Variants in SLC4A4 observed in about 807,000 individuals in gnomAD.
The protein encoded by SLC4A4 is electrogenic sodium bicarbonate cotransporter 1.
In SLC4A4, 27 loss-of-function variants were observed where a neutral mutation model predicts 111.5. The observed-to-expected ratio is 0.24, with a 90% CI of 0.18 to 0.33. The LOEUF is 0.33. Among genes scored for constraint, SLC4A4 ranks in the 10% least tolerant of loss-of-function variants. The pLI is 1.00. For synonymous variants in SLC4A4, 443 were observed against 463.4 expected, an observed-to-expected ratio of 0.96 and a Z score of 0.57; for missense variants, 909 against 1,315.5, an observed-to-expected ratio of 0.69 and a Z score of 4.78.
chr4:71,344,326 T>C (rs1054891485), intron 4 of SLC4A4, among the ~76,000 whole-genome samples: 2 of 152,156 alleles, frequency 1.3e-5, no homozygotes, highest in Admixed American at 1.3e-4. Context: ...ATATTCAGCT[T>C]TTCAGTAACC....
At chr4:71,077,810 C>G (rs1741883143) in intron 1 of SLC4A4, among the ~76,000 whole-genome samples, 1 of 152,194 alleles carries the variant, frequency 6.6e-6, no homozygotes, top group African/African-American at 2.4e-5. Flanking sequence ...ATTTCTATTT[C>G]TCCTCCTACT....
At position 71,456,982 on chromosome 4, in the gene SLC4A4, A is replaced by C. The variant is rs1481747507; in HGVS notation, c.1497+3313A>C. Among the ~76,000 whole-genome samples, 3 of 152,190 alleles carry C rather than the reference A, an allele frequency of 2.0e-5. No homozygotes were observed. The East Asian group carries it at 5.8e-4, about 29-fold the overall frequency. On this transcript the variant is annotated intron_variant, in intron 12 of 25. Transcript: ENST00000264485. The stretch of plus-strand genomic sequence containing the variant: ...CAGCTCAAATGAGTCAACTGAGAAC[A>C]GTGTCCTTGCTTTTAAAGGCAGACA...
intron 2 of SLC4A4, among the ~76,000 whole-genome samples, chr4:71,156,597 C>CACACAT (rs1553957363): frequency 0.15 from 21,778 of 150,150 alleles, 1,844 homozygotes; most frequent in South Asian, 0.32. Flanking sequence ...CGCACACACA[C>CACACAT]ACACACACAC....
At chr4:71,426,077 G>A (rs2149033158) in intron 7 of SLC4A4, among the ~76,000 whole-genome samples, 1 of 152,160 alleles carries the variant, frequency 6.6e-6, no homozygotes, top group African/African-American at 2.4e-5. Flanking sequence ...GGCCTTCTAT[G>A]TGCCATATGA....
intron 3 of SLC4A4, among the ~76,000 whole-genome samples, chr4:71,279,249 C>T (rs1165261597): frequency 6.6e-6 from 1 of 152,140 alleles, no homozygotes; most frequent in African/African-American, 2.4e-5. Context: ...CCCATCCCAC[C>T]AGCCCTTGGC....
intron 8 of SLC4A4, among the ~76,000 whole-genome samples, chr4:71,442,033 T>A (rs1242570995): frequency 6.6e-6 from 1 of 152,182 alleles, no homozygotes; most frequent in East Asian, 1.9e-4. Context: ...TGTGCCCCTA[T>A]GGCTTTATTT....
chr4:71,565,277 ACT>A (rs1387931475), intron 24 of SLC4A4, among the ~76,000 whole-genome samples: 9 of 151,788 alleles, frequency 5.9e-5, no homozygotes, highest in Non-Finnish European at 1.3e-4. Context: ...GCCTCCAGAC[ACT>A]GTTTTCCTGC....
At chr4:71,288,243 G>A (rs1189995943) in intron 3 of SLC4A4, among the ~76,000 whole-genome samples, 2 of 152,138 alleles carry the variant, frequency 1.3e-5, no homozygotes, top group Non-Finnish European at 2.9e-5. Context: ...CATGAGTGAC[G>A]GATCTGGGAT....
intron 2 of SLC4A4, among the ~76,000 whole-genome samples, chr4:71,160,300 A>C (rs1486760174): frequency 6.6e-6 from 1 of 151,572 alleles, no homozygotes; most frequent in African/African-American, 2.4e-5. Context: ...CTATTGTTTT[A>C]TCTTATTCAT....
intron 18 of SLC4A4, among the ~76,000 whole-genome samples, chr4:71,544,437 T>G (rs7680266): frequency 0.72 from 108,165 of 150,840 alleles, 39,000 homozygotes; most frequent in Admixed American, 0.76. Context: ...TGAGAGAGAT[T>G]AAAGATGAGG....
At chr4:71,179,469 C>A (rs1338783642) in intron 2 of SLC4A4, among the ~76,000 whole-genome samples, 1 of 152,042 alleles carries the variant, frequency 6.6e-6, no homozygotes, top group East Asian at 1.9e-4. Context: ...TCGTCTCAGC[C>A]CAAAATCTCC....
At chr4:71,107,128 C>G (rs914951003) in intron 2 of SLC4A4, among the ~76,000 whole-genome samples, 2 of 151,926 alleles carry the variant, frequency 1.3e-5, no homozygotes, top group Non-Finnish European at 2.9e-5. Context: ...GATATGTTAT[C>G]TATCTTGTAG....
At chr4:71,416,261 C>T (rs1721816235) in intron 7 of SLC4A4, among the ~76,000 whole-genome samples, 1 of 152,102 alleles carries the variant, frequency 6.6e-6, no homozygotes, top group Non-Finnish European at 1.5e-5. Flanking sequence ...TTCCAAAACC[C>T]CCAGTGGATG....
At chr4:71,239,891 A>G (rs1720073715) in intron 2 of SLC4A4, among the ~76,000 whole-genome samples, 1 of 152,174 alleles carries the variant, frequency 6.6e-6, no homozygotes, top group South Asian at 2.1e-4. Context: ...TTAAAATGTC[A>G]GTATTTCAGA....
At chr4:71,332,964 G>A (rs1318856456) in intron 3 of SLC4A4, among the ~76,000 whole-genome samples, 2 of 152,126 alleles carry the variant, frequency 1.3e-5, no homozygotes, top group Non-Finnish European at 2.9e-5. Context: ...AACAGCTATT[G>A]GGAATTCTCT....
chr4:71,500,199 T>C (rs756134584), intron 16 of SLC4A4, among the ~76,000 whole-genome samples: 5 of 152,160 alleles, frequency 3.3e-5, no homozygotes, highest in Non-Finnish European at 5.9e-5. Flanking sequence ...ATTTTTTCAT[T>C]TATCTTTTGG....
chr4:71,522,885 T>A (rs1299913096), intron 16 of SLC4A4, among the ~76,000 whole-genome samples: 2 of 152,218 alleles, frequency 1.3e-5, no homozygotes, highest in African/African-American at 4.8e-5. Context: ...GAAAACATAA[T>A]GAGCATTTTA....
chr4:71,462,997 A>G (rs1726982201), intron 12 of SLC4A4, among the ~76,000 whole-genome samples: 1 of 152,170 alleles, frequency 6.6e-6, no homozygotes, highest in Admixed American at 6.5e-5. Context: ...AGGTGAAGTG[A>G]CATTTCTAAG....
At position 71,534,224 on chromosome 4, in the gene SLC4A4, A is replaced by C. The variant is rs750360407; in HGVS notation, c.2281-3A>C. On this transcript the variant is annotated splice_polypyrimidine_tract_variant and splice_region_variant and intron_variant, in intron 17 of 25. Transcript: ENST00000264485. Reference sequence around the variant, plus strand: ...CTGAAAAATGTCATCTGTCTTTTTCAAGCCAACAAGTCCAAACCGAGGTTG... The same window carrying C: ...CTGAAAAATGTCATCTGTCTTTTTCCAGCCAACAAGTCCAAACCGAGGTTG... 6.2e-7 allele frequency: 1 copy of C among 1,613,424 alleles called. No homozygotes were observed. The highest frequency in any genetic ancestry group is 1.3e-5 in the African/African-American group (1 of 74,996).
Sources: gnomAD v4.1 joint callset for allele counts (sites outside exome capture counted in the v4.1 genomes callset) on GRCh38, gnomAD v4.1.1 for gene constraint, MANE v1.5 for transcripts, NCBI Gene and HGNC (gene_info 2026-07-23, HGNC 2026-07-21) for gene names.